The following PSRC1 variants were observed in gnomAD, a reference collection of about 807,000 sequenced individuals.
PSRC1 encodes proline and serine rich coiled-coil 1.
PSRC1 carries 30 observed loss-of-function variants against 31.9 expected under a neutral mutation model. The observed-to-expected ratio is 0.94, with a 90% CI of 0.70 to 1.28. PSRC1 has a LOEUF of 1.28. Among genes scored for constraint, PSRC1 ranks in the 50% most tolerant of loss-of-function variants. The pLI is 0.00. For missense variants in PSRC1, 481 were observed against 472.8 expected (o/e 1.02, Z -0.16); for synonymous variants, 191 against 192.1 (o/e 0.99, Z 0.05).
chr1:109,279,643 C>T (rs77272125), exon 7 of PSRC1: 93 of 159,760 alleles, frequency 5.8e-4, no homozygotes, highest in African/African-American at 2.2e-3. Context: ...TATTAGGAGT[C>T]ACAGAATTCA....
chr1:109,282,557 T>C (rs1427389208), exon 3 of PSRC1: 35 of 1,614,078 alleles, frequency 2.2e-5, no homozygotes, highest in Non-Finnish European at 2.9e-5. Context: ...CAAGGTCTCA[T>C]CCACAATAAA....
At position 109,282,673 on chromosome 1, in the gene PSRC1, T is replaced by C. The variant is rs768558334; in HGVS notation, c.19+7A>G. On this transcript the variant is annotated splice_region_variant and intron_variant, in intron 2 of 6. Coordinates refer to ENST00000409138, the Ensembl canonical transcript of PSRC1. ...CCCTTTCATTCTTCCCTCCCTCCTT[T>C]CCTTACCTTCCTCCAAATCCTCCAT... The C allele has an allele frequency of 3.8e-6, 6 of 1,560,882 alleles. No individual in the cohort carries two copies. In the African/African-American group the frequency reaches 8.1e-5, roughly 21 times the overall value.
exon 4 of PSRC1, chr1:109,281,831 G>C: frequency 6.2e-7 from 1 of 1,613,974 alleles, no homozygotes; most frequent in Non-Finnish European, 8.5e-7. Context: ...CGAGGCCCCA[G>C]GCCCTCGCCT....
exon 4 of PSRC1, chr1:109,281,698 C>G (rs145061224): frequency 1.2e-6 from 2 of 1,613,872 alleles, no homozygotes; most frequent in East Asian, 2.2e-5. Flanking sequence ...ACTCCGGAGT[C>G]GAGGCGTCAG....
chr1:109,282,027 A>C (rs779522413), exon 4 of PSRC1: 1 of 1,505,840 alleles, frequency 6.6e-7, no homozygotes, highest in Non-Finnish European at 8.9e-7. Context: ...GTTTCTCTGG[A>C]GTCACCAACA....
chr1:109,281,672 A>C (rs1427918825), exon 4 of PSRC1: 1 of 1,613,390 alleles, frequency 6.2e-7, no homozygotes, highest in African/African-American at 1.3e-5. Flanking sequence ...GCCCTGACTG[A>C]CCCCTTCCTA....
chr1:109,279,949 C>T (rs1656768818), exon 7 of PSRC1: 1 of 670,734 alleles, frequency 1.5e-6, no homozygotes, highest in African/African-American at 1.8e-5. Flanking sequence ...TCTTTCAACC[C>T]AGAGAGTTTA....
At chr1:109,283,112 A>G (rs991562621) in exon 1 of PSRC1, 4 of 252,274 alleles carry the variant, frequency 1.6e-5, no homozygotes, top group Non-Finnish European at 3.1e-5. Flanking sequence ...CTTCCACGCA[A>G]CAGGCTTTCT....
chr1:109,281,047 C>T lies in PSRC1; in HGVS notation c.724G>A (p.Gly242Ser), dbSNP rs1657003224. The T allele has an allele frequency of 6.2e-7, 1 of 1,612,802 alleles. No individual in the cohort carries two copies. Among genetic ancestry groups the T allele is most frequent in the Non-Finnish European group, 8.5e-7 (1 of 1,179,724 alleles). ...ACGGATCTGATGGGGGTGGGTGGGC[C>T]TGGTGGAGAGGGGTGGAGAAATTTC... The change falls in exon 5 of 7, where the codon GGC becomes AGC. Residue 242 changes from glycine (G) to serine (S), a missense_variant. By Grantham distance (56) the Gly-to-Ser change is moderately conservative. Coordinates refer to ENST00000409138, the Ensembl canonical transcript of PSRC1.
chr1:109,281,969 G>A (rs760540109), exon 4 of PSRC1: 11 of 1,535,672 alleles, frequency 7.2e-6, no homozygotes, highest in Non-Finnish European at 9.6e-6. Context: ...TGGGGGGCAG[G>A]TGCCACTGCA....
exon 4 of PSRC1, chr1:109,281,874 C>T (rs1432878812): frequency 6.2e-7 from 1 of 1,612,794 alleles, no homozygotes; most frequent in Admixed American, 1.7e-5. Flanking sequence ...CACACTGCTC[C>T]AGCTGAGCGG....
In PSRC1 at chr1:109,281,192, G is replaced by A. The variant is rs199918505; in HGVS notation, c.579C>T (p.Thr193=). 1.4e-5 allele frequency: 22 copies of A among 1,613,478 alleles called. No individual in the cohort carries two copies. The Admixed American group carries it at 2.5e-4, about 18-fold the overall frequency. Residue 193 remains threonine, a synonymous_variant, in exon 5 of 7, where the codon ACC becomes ACT. Transcript: ENST00000409138. ...TCCCCCGGACTGGGGGAGTCGATCG[G>A]GTAAGAGGAGAAGATGCTGGGCTTT...
chr1:109,282,852 T>G, intron 1 of PSRC1, 116 bp from the exon 2 acceptor site: 1 of 905,826 alleles, frequency 1.1e-6, no homozygotes, highest in Non-Finnish European at 1.7e-6. Context: ...CGCCCAGGAG[T>G]GGCACCTCCC....
chr1:109,280,853 C>T (rs780411346), exon 5 of PSRC1: 27 of 1,613,086 alleles, frequency 1.7e-5, no homozygotes, highest in Middle Eastern at 1.6e-4. Flanking sequence ...ACAGAGAATC[C>T]GGAGGTAGGG....
Position 109,280,712 on chromosome 1 carries a change from T to C in PSRC1, c.994+65A>G, listed in dbSNP as rs1570809318. 3 of 1,362,090 alleles carry C rather than the reference T, an allele frequency of 2.2e-6. No homozygotes were observed. In the East Asian group the frequency reaches 7.0e-5, roughly 32 times the overall value. 84.4% of individuals were successfully genotyped at this position (1,362,090 alleles called of 1,614,324 possible). Reference sequence around the variant, plus strand: ...TAAGGATGGCAAAAGTGGTCACTGTTGACAGCTCTGGGAGGGTGAGGACAC... The same window carrying C: ...TAAGGATGGCAAAAGTGGTCACTGTCGACAGCTCTGGGAGGGTGAGGACAC... On this transcript the variant is annotated intron_variant, in intron 5 of 6. Transcript: ENST00000409138.
At chr1:109,281,828 C>G (rs1363427427) in exon 4 of PSRC1, 1 of 1,613,856 alleles carries the variant, frequency 6.2e-7, no homozygotes, top group Non-Finnish European at 8.5e-7. Context: ...CGGCGAGGCC[C>G]CAGGCCCTCG....
At chr1:109,279,992 T>C in exon 7 of PSRC1, 11 of 865,874 alleles carry the variant, frequency 1.3e-5, no homozygotes, top group Non-Finnish European at 1.7e-5. Context: ...ATCCACCCCA[T>C]TTCCCATGGT....
exon 7 of PSRC1, chr1:109,279,979 C>T (rs941418895): frequency 5.0e-6 from 4 of 796,432 alleles, no homozygotes; most frequent in African/African-American, 1.7e-5. Context: ...CAGCTCAATC[C>T]TAATCCACCC....
exon 5 of PSRC1, chr1:109,281,043 G>A (rs1657001105): frequency 6.2e-7 from 1 of 1,613,596 alleles, no homozygotes; most frequent in Non-Finnish European, 8.5e-7. Context: ...GGGGGTGGGT[G>A]GGCCTGGTGG....
Sources: gnomAD v4.1 joint callset for allele counts on GRCh38, gnomAD v4.1.1 for gene constraint, MANE v1.5 for transcripts, NCBI Gene and HGNC (gene_info 2026-07-23, HGNC 2026-07-21) for gene names.